GARNL3: variants seen among roughly 807,000 people sequenced by gnomAD.
The protein encoded by GARNL3 is GTPase-activating Rap/Ran-GAP domain-like protein 3.
In GARNL3, 63 loss-of-function variants were observed where a neutral mutation model predicts 125.0. The observed-to-expected ratio is 0.50, with a 90% CI of 0.41 to 0.62. The LOEUF is 0.62. GARNL3 is among the 20% of genes least tolerant of loss of function. GARNL3 has a pLI of 0.00. For synonymous variants in GARNL3, 439 were observed against 457.5 expected (o/e 0.96, Z 0.52); for missense variants, 994 against 1,244.0 (o/e 0.80, Z 3.02).
intron 2 of GARNL3, among the ~76,000 whole-genome samples, chr9:127,247,501 T>TCTC (rs2063323938): frequency 6.6e-6 from 1 of 152,222 alleles, no homozygotes; most frequent in African/African-American, 2.4e-5. Context: ...AGCCTCCCTG[T>TCTC]CTCCTACTGT....
Position 127,290,498 on chromosome 9 carries a change from T to TG in GARNL3, c.145-669dup, listed in dbSNP as rs534639273. Among the ~76,000 whole-genome samples, 17 of 152,326 alleles carry TG rather than the reference T, an allele frequency of 1.1e-4. No individual in the cohort carries two copies. In the East Asian group the frequency reaches 3.3e-3, roughly 29 times the overall value. Reference sequence around the variant, plus strand: ...ATTTAAAGGCTAAAAAAAGATGTGTTGCTTTCCCAAGTCACTACTGAGAAA... The same window carrying TG: ...ATTTAAAGGCTAAAAAAAGATGTGTTGGCTTTCCCAAGTCACTACTGAGAAA... On this transcript the variant is annotated intron_variant, in intron 1 of 27. Coordinates refer to ENST00000373387, the MANE Select transcript of GARNL3 (RefSeq NM_032293.5).
intron 2 of GARNL3, among the ~76,000 whole-genome samples, chr9:127,301,236 C>T (rs1413326281): frequency 2.6e-5 from 4 of 152,092 alleles, no homozygotes; most frequent in African/African-American, 9.7e-5. Flanking sequence ...TGCTCAGAAC[C>T]GAACACAGGG....
chr9:127,289,176 C>T (rs950296891), intron 1 of GARNL3, among the ~76,000 whole-genome samples: 2 of 152,332 alleles, frequency 1.3e-5, no homozygotes, highest in East Asian at 3.9e-4. Flanking sequence ...CTAAATTTAT[C>T]TTTCTCTTGT....
At chr9:127,376,974 T>C (rs1831952357) in intron 22 of GARNL3, among the ~76,000 whole-genome samples, 1 of 152,248 alleles carries the variant, frequency 6.6e-6, no homozygotes, top group Non-Finnish European at 1.5e-5. Flanking sequence ...AGATGTATAT[T>C]TCTCCTCAGA....
At chr9:127,289,108 CTGT>C (rs1472923808) in intron 1 of GARNL3, among the ~76,000 whole-genome samples, 1 of 152,198 alleles carries the variant, frequency 6.6e-6, no homozygotes. Flanking sequence ...CACAAAGAAG[CTGT>C]TGATGCTGAA....
chr9:127,243,077 A>G lies in GARNL3; in HGVS notation c.-28-2A>G. 6.6e-6 allele frequency: 9 copies of G among 1,353,878 alleles called. No homozygotes were observed. In the South Asian group the frequency reaches 1.0e-4, roughly 16 times the overall value. 83.9% of individuals were successfully genotyped at this position (1,353,878 alleles called of 1,614,324 possible). A position where few individuals can be genotyped will look rare whatever the true frequency, so the allele number is the denominator to read the frequency against. On this transcript the variant is annotated splice_acceptor_variant, in intron 1 of 10. Transcript: ENST00000439286. LOFTEE classifies it low-confidence loss of function (5UTR_SPLICE). ...GTGCCTTTCCCAACTCTTCTGTTTC[A>G]GGACAGCTGCCCAGCCTCCAGGCCC... is the stretch of plus-strand genomic sequence containing the variant.
chr9:127,367,737 T>C (rs986354655), intron 22 of GARNL3, among the ~76,000 whole-genome samples: 3 of 152,188 alleles, frequency 2.0e-5, no homozygotes, highest in Non-Finnish European at 4.4e-5. Context: ...GCTTTAAAGA[T>C]AATCATGCCA....
At chr9:127,325,572 G>T (rs1427812045) in intron 7 of GARNL3, among the ~76,000 whole-genome samples, 1 of 152,106 alleles carries the variant, frequency 6.6e-6, no homozygotes, top group African/African-American at 2.4e-5. Context: ...ATAAATTATG[G>T]TTTATGTATC....
intron 2 of GARNL3, among the ~76,000 whole-genome samples, chr9:127,304,826 C>G (rs1042853321): frequency 2.6e-5 from 4 of 152,052 alleles, no homozygotes; most frequent in Admixed American, 2.6e-4. Flanking sequence ...CGTGAGCCAC[C>G]AAGCCCGGCC....
rs1315245763 is a variant in GARNL3 at position 127,242,159 on chromosome 9, G to T, written c.-28-920G>T. Among the ~76,000 whole-genome samples, 1 of 152,044 alleles carries T rather than the reference G, an allele frequency of 6.6e-6. No homozygotes were observed. Among genetic ancestry groups the T allele is most frequent in the African/African-American group, 2.4e-5 (1 of 41,398 alleles). On this transcript the variant is annotated intron_variant, in intron 1 of 10. Transcript: ENST00000439286. The surrounding 1 kb of genome is among the most constrained non-coding windows in gnomAD (Gnocchi z 4.6). The stretch of plus-strand genomic sequence containing the variant: ...CCATTAGGCCTTTTGTCTTTTCTCA[G>T]TCTTTCTTTCTTTCTTTTTTAAATT...
upstream of GARNL3, chr9:127,264,502 T>C (rs2063659836): frequency 1.0e-5 from 10 of 997,714 alleles, no homozygotes; most frequent in Non-Finnish European, 1.2e-5. Context: ...TAGCATTAAA[T>C]AATGCTGGTT....
intron 1 of GARNL3, among the ~76,000 whole-genome samples, chr9:127,271,604 T>G (rs2063826034): frequency 6.6e-6 from 1 of 150,508 alleles, no homozygotes; most frequent in Non-Finnish European, 1.5e-5. Flanking sequence ...TCAACCATTC[T>G]TCATCACTTT....
rs759255226 is a variant in GARNL3, at chr9:127,387,286, C to T, written c.2482C>T (p.Pro828Ser). The T allele has an allele frequency of 1.5e-5, 24 of 1,614,042 alleles. No individual in the cohort carries two copies. Among genetic ancestry groups the T allele is most frequent in the South Asian group, 4.4e-5 (4 of 91,082 alleles). ...CAGTGCCCGAAATTCTCCTCAGACA[C>T]CCCCGGGCCGAGATACTCCAGTATT... is the stretch of plus-strand genomic sequence containing the variant. ...GASARNSPQT[P>S]PGRDTPVFPS... is the part of the protein sequence containing the mutation. Residue 828 changes from proline to serine, a missense_variant, in exon 25 of 28, where the codon CCC becomes TCC. Pro to Ser is a moderately conservative substitution (Grantham distance 74). Transcript: ENST00000373387.
intron 21 of GARNL3, among the ~76,000 whole-genome samples, chr9:127,359,079 G>A (rs576947069): frequency 6.6e-6 from 1 of 152,098 alleles, no homozygotes; most frequent in Non-Finnish European, 1.5e-5. Flanking sequence ...AAAGCTGGGA[G>A]GAATGCCGCC....
At chr9:127,237,232 A>G (rs1588664039) in intron 1 of GARNL3, among the ~76,000 whole-genome samples, 1 of 152,160 alleles carries the variant, frequency 6.6e-6, no homozygotes, top group African/African-American at 2.4e-5. Context: ...CTAACTACAG[A>G]CCCATGCTGC....
At chr9:127,285,400 G>A (rs1333007) in intron 1 of GARNL3, among the ~76,000 whole-genome samples, 113,775 of 152,154 alleles carry the variant, frequency 0.75, 42,716 homozygotes, top group Admixed American at 0.82. Flanking sequence ...TCCAGCCTGG[G>A]CAACAAGAGT....
At chr9:127,296,634 G>A (rs1010642629) in intron 2 of GARNL3, among the ~76,000 whole-genome samples, 1 of 151,776 alleles carries the variant, frequency 6.6e-6, no homozygotes, top group Non-Finnish European at 1.5e-5. Context: ...ATTGTATCCA[G>A]CAAATTTTTA....
chr9:127,268,954 C>T (rs942621158), intron 1 of GARNL3, among the ~76,000 whole-genome samples: 3 of 152,028 alleles, frequency 2.0e-5, no homozygotes, highest in South Asian at 4.2e-4. Flanking sequence ...AATAATATTC[C>T]GTTGTATTGA....
In GARNL3 at chr9:127,390,954, T is replaced by C. The variant is rs117900304; in HGVS notation, c.2870+187T>C. ...CCTGCCAGGGAGGGATCTAGACAAATGGGCACACTTACCAGCAGTCAACTG... is the reference window on the plus strand; with the variant it reads ...CCTGCCAGGGAGGGATCTAGACAAACGGGCACACTTACCAGCAGTCAACTG... On this transcript the variant is annotated intron_variant, in intron 27 of 27. Coordinates refer to ENST00000373387, the MANE Select transcript of GARNL3 (RefSeq NM_032293.5). Among the ~76,000 whole-genome samples the C allele has an allele frequency of 5.5e-3, 841 of 152,218 alleles. 20 individuals are homozygous for C. In the East Asian group the frequency reaches 0.061, roughly 11 times the overall value.
Sources: allele counts gnomAD v4.1 joint callset (sites outside exome capture counted in the v4.1 genomes callset), GRCh38; gene constraint gnomAD v4.1.1; non-coding constraint Gnocchi (gnomAD v3.1); transcripts MANE v1.5; gene names NCBI Gene and HGNC (gene_info 2026-07-23, HGNC 2026-07-21).